The following LYPLAL1 variants were observed in gnomAD, a reference collection of about 807,000 sequenced individuals.
The protein encoded by LYPLAL1 is lysophospholipase like 1.
Under a neutral mutation model 19.7 loss-of-function variants are expected in LYPLAL1, and 23 were observed. The ratio of observed to expected loss-of-function variants is 1.17; its 90% CI spans 0.84 to 1.65. LYPLAL1 has a LOEUF of 1.65. Ranked by LOEUF, LYPLAL1 falls within the 40% of genes most tolerant of loss-of-function variation. LYPLAL1 has a pLI of 0.00. For synonymous variants in LYPLAL1, 119 were observed against 96.3 expected (o/e 1.24, Z -1.38); for missense variants, 355 against 279.4 (o/e 1.27, Z -1.93).
the LYPLAL1 span, among the ~76,000 whole-genome samples, chr1:219,298,110 G>A: frequency 2.0e-4 from 31 of 152,244 alleles, no homozygotes; most frequent in African/African-American, 7.0e-4. Flanking sequence ...AAGAGTTTGA[G>A]ACCAGCGTGG....
chr1:219,225,388 C>G, the LYPLAL1 span: 1 of 152,132 alleles, frequency 6.6e-6, no homozygotes, highest in Non-Finnish European at 1.5e-5. Context: ...TGTGGTTCAT[C>G]CTGGAACCTG....
At chr1:219,243,464 G>A in the LYPLAL1 span, among the ~76,000 whole-genome samples, 1 of 152,124 alleles carries the variant, frequency 6.6e-6, no homozygotes, top group Non-Finnish European at 1.5e-5. Flanking sequence ...AGGAAGAGCA[G>A]GTTTATTAAG....
the LYPLAL1 span, among the ~76,000 whole-genome samples, chr1:219,347,862 G>GA: frequency 5.9e-3 from 811 of 137,750 alleles, 5 homozygotes; most frequent in East Asian, 0.021. Context: ...TTGATGCACA[G>GA]AAAAAAAAAA....
intron 3 of LYPLAL1, among the ~76,000 whole-genome samples, chr1:219,209,908 A>G (rs372303924): frequency 1.9e-4 from 29 of 152,248 alleles, no homozygotes; most frequent in African/African-American, 6.3e-4. Context: ...AGACAATAAC[A>G]GTTTGACTAA....
chr1:219,394,799 T>C, the LYPLAL1 span, among the ~76,000 whole-genome samples: 1 of 152,182 alleles, frequency 6.6e-6, no homozygotes, highest in African/African-American at 2.4e-5. Flanking sequence ...CACCCTTCAA[T>C]AGGCCTCAGT....
chr1:219,180,867 C>T (rs951544295), intron 2 of LYPLAL1, among the ~76,000 whole-genome samples: 1 of 152,120 alleles, frequency 6.6e-6, no homozygotes, highest in African/African-American at 2.4e-5. Context: ...TCTCCATGTG[C>T]ACTAAGCATT....
chr1:219,223,665 A>G, the LYPLAL1 span, among the ~76,000 whole-genome samples: 1 of 152,166 alleles, frequency 6.6e-6, no homozygotes, highest in Non-Finnish European at 1.5e-5. Flanking sequence ...TGAAGAAATC[A>G]TATTTTGGGC....
At chr1:219,349,336 A>G in the LYPLAL1 span, among the ~76,000 whole-genome samples, 2 of 152,250 alleles carry the variant, frequency 1.3e-5, no homozygotes, top group East Asian at 1.9e-4. Flanking sequence ...AGTTGATAAC[A>G]CAGTGAAATG....
chr1:219,284,538 C>T, the LYPLAL1 span, among the ~76,000 whole-genome samples: 1 of 151,856 alleles, frequency 6.6e-6, no homozygotes, highest in Non-Finnish European at 1.5e-5. Context: ...AATAAATACA[C>T]AAGAAAATAT....
the LYPLAL1 span, among the ~76,000 whole-genome samples, chr1:219,444,294 C>G: frequency 1.3e-5 from 2 of 152,262 alleles, no homozygotes; most frequent in African/African-American, 4.8e-5. Context: ...ATAACTTTTC[C>G]AAACAACAAC....
chr1:219,298,267 G>A, the LYPLAL1 span, among the ~76,000 whole-genome samples: 3 of 152,160 alleles, frequency 2.0e-5, no homozygotes, highest in Admixed American at 1.3e-4. Context: ...CCGAGATACA[G>A]CCACTACACT....
At chr1:219,202,406 A>G (rs571604612) in intron 3 of LYPLAL1, among the ~76,000 whole-genome samples, 16 of 152,298 alleles carry the variant, frequency 1.1e-4, no homozygotes, top group South Asian at 4.1e-4. Context: ...CCAGCTGCTT[A>G]CTTTTTCCTC....
chr1:219,351,494 G>T, the LYPLAL1 span, among the ~76,000 whole-genome samples: 1 of 151,528 alleles, frequency 6.6e-6, no homozygotes, highest in South Asian at 2.1e-4. Context: ...AAAATAGCAG[G>T]GTCTATGTCA....
intron 1 of LYPLAL1, among the ~76,000 whole-genome samples, chr1:219,177,328 G>C (rs556757942): frequency 1.3e-5 from 2 of 152,262 alleles, no homozygotes; most frequent in East Asian, 3.9e-4. Context: ...GGCCATGTAA[G>C]GTCTCTTCCC....
chr1:219,283,871 T>C, the LYPLAL1 span, among the ~76,000 whole-genome samples: 2 of 152,172 alleles, frequency 1.3e-5, no homozygotes, highest in Non-Finnish European at 2.9e-5. Context: ...GTGGGTAATG[T>C]AGATGTTCTA....
chr1:219,314,952 GAAT>G, the LYPLAL1 span, among the ~76,000 whole-genome samples: 1 of 151,888 alleles, frequency 6.6e-6, no homozygotes, highest in African/African-American at 2.4e-5. Flanking sequence ...CTGAATAATA[GAAT>G]AATAACTATA....
the LYPLAL1 span, among the ~76,000 whole-genome samples, chr1:219,311,661 A>C: frequency 6.6e-6 from 1 of 152,090 alleles, no homozygotes; most frequent in South Asian, 2.1e-4. Context: ...TAAAAGGCTT[A>C]AATACATTTA....
chr1:219,320,564 A>G, the LYPLAL1 span, among the ~76,000 whole-genome samples: 2 of 152,122 alleles, frequency 1.3e-5, no homozygotes, highest in Non-Finnish European at 2.9e-5. Flanking sequence ...TACATTAGGT[A>G]TATCTCCTAA....
chr1:219,410,773 C>G, the LYPLAL1 span, among the ~76,000 whole-genome samples: 2 of 152,240 alleles, frequency 1.3e-5, no homozygotes, highest in African/African-American at 4.8e-5. Context: ...TGGCCCCGGG[C>G]AATGGGGGAC....
Sources: gnomAD v4.1 joint callset for allele counts (sites outside exome capture counted in the v4.1 genomes callset) on GRCh38, gnomAD v4.1.1 for gene constraint, MANE v1.5 for transcripts, NCBI Gene and HGNC (gene_info 2026-07-23, HGNC 2026-07-21) for gene names.